The following MYO5A variants were observed in gnomAD, a reference collection of about 807,000 sequenced individuals.
MYO5A encodes unconventional myosin-Va.
In MYO5A, 98 loss-of-function variants were observed where a neutral mutation model predicts 249.7. That is an observed-to-expected ratio of 0.39 (90% CI 0.33 to 0.46). The LOEUF is 0.46. Among genes scored for constraint, MYO5A ranks in the 20% least tolerant of loss-of-function variants. The probability of loss-of-function intolerance (pLI) is 0.98; values close to 1 mark genes in which losing one functional copy is unlikely to be tolerated. For missense variants in MYO5A, 1,696 were observed against 2,308.8 expected (o/e 0.73, Z 5.44); for synonymous variants, 778 against 810.6 (o/e 0.96, Z 0.68).
chr15:52,368,444 A>C (rs947889982), intron 22 of MYO5A, among the ~76,000 whole-genome samples: 1 of 152,144 alleles, frequency 6.6e-6, no homozygotes, highest in African/African-American at 2.4e-5. Flanking sequence ...CTTTTTATAT[A>C]AAAACTCCCC....
At chr15:52,321,609 C>T (rs552378564) in intron 37 of MYO5A, 100 bp from the exon 38 acceptor site, 5 of 1,351,836 alleles carry the variant, frequency 3.7e-6, no homozygotes, top group South Asian at 3.5e-5. Context: ...CTTTTCTGCT[C>T]TGTCCAAGGA....
chr15:52,499,478 A>T (rs377081519), intron 1 of MYO5A, among the ~76,000 whole-genome samples: 32 of 152,306 alleles, frequency 2.1e-4, no homozygotes, highest in African/African-American at 7.7e-4. Flanking sequence ...ATATCCATTA[A>T]ATGAACGCCC....
Position 52,308,619 on chromosome 15 carries a change from A to G in MYO5A, c.*5077T>C, listed in dbSNP as rs989946784. 1.3e-5 allele frequency: 2 copies of G among 152,412 alleles called. No homozygotes were observed. The highest frequency in any genetic ancestry group is 4.8e-5 in the African/African-American group (2 of 41,428). The allele number at this position is 152,412 out of a possible 1,614,324, so 9.4% of individuals were successfully genotyped here. The stretch of plus-strand genomic sequence containing the variant: ...AAGCTGGCCTCTCACTGGCTCTGAG[A>G]CTGTTGCTGCCCCACAGTTCTAATT... On this transcript the variant is annotated 3_prime_UTR_variant, in exon 42 of 42. Transcript: ENST00000399233.
At chr15:52,513,155 G>A (rs750692855) in intron 1 of MYO5A, among the ~76,000 whole-genome samples, 4 of 151,756 alleles carry the variant, frequency 2.6e-5, no homozygotes, top group Non-Finnish European at 5.9e-5. Context: ...AGCTGGCCGG[G>A]TGCGGTGGCT....
upstream of MYO5A, chr15:52,528,928 GGCGGGGAGGGCCGC>G: frequency 2.4e-6 from 2 of 840,214 alleles, no homozygotes; most frequent in Non-Finnish European, 3.0e-6. Flanking sequence ...GGCAGGGCCG[GGCGGGGAGGGCCGC>G]GCGGGGCGGG....
chr15:52,515,569 T>C (rs2077480078), intron 1 of MYO5A, among the ~76,000 whole-genome samples: 1 of 152,228 alleles, frequency 6.6e-6, no homozygotes, highest in Non-Finnish European at 1.5e-5. Context: ...ATAACAACCC[T>C]ATGAAGTAAG....
chr15:52,327,906 C>T lies in MYO5A; in HGVS notation c.4656G>A (p.Gln1552=). The change falls in exon 36 of 42, where the codon CAG becomes CAA. Residue 1552 remains glutamine, a synonymous_variant. Transcript: ENST00000399233. ...TTGATGTTAGCAACGACCTTACTTT[C>T]TGATCATCATTCAGGTAGTCAGCAT... is the stretch of plus-strand genomic sequence containing the variant. ...VRHADYLNDD[Q]KVRSLLTSTI... 1.2e-6 allele frequency: 2 copies of T among 1,613,924 alleles called. No homozygotes were observed. Among genetic ancestry groups the T allele is most frequent in the Non-Finnish European group, 1.7e-6 (2 of 1,179,826 alleles).
At chr15:52,473,630 A>T (rs1221683514) in intron 1 of MYO5A, among the ~76,000 whole-genome samples, 1 of 152,212 alleles carries the variant, frequency 6.6e-6, no homozygotes, top group Non-Finnish European at 1.5e-5. Flanking sequence ...CAGTTTTCCC[A>T]GCACCATTAA....
intron 29 of MYO5A, among the ~76,000 whole-genome samples, chr15:52,347,475 T>C (rs574213311): frequency 1.6e-3 from 249 of 152,354 alleles, no homozygotes; most frequent in African/African-American, 5.8e-3. Flanking sequence ...AAATAGTATA[T>C]GTCTGATTCT....
intron 31 of MYO5A, among the ~76,000 whole-genome samples, chr15:52,340,835 C>G (rs542622094): frequency 2.6e-5 from 4 of 152,108 alleles, no homozygotes; most frequent in Admixed American, 1.3e-4. Context: ...TTTGTCCCAG[C>G]TACTCAGGAG....
In MYO5A at chr15:52,370,277, A is replaced by G; in HGVS notation, c.2958T>C (p.Leu986=). 2 of 1,614,108 alleles carry G rather than the reference A, an allele frequency of 1.2e-6. No homozygotes were observed. Among genetic ancestry groups the G allele is most frequent in the Non-Finnish European group, 1.7e-6 (2 of 1,179,994 alleles). The change falls in exon 22 of 42, where the codon CTT becomes CTC. Residue 986 remains leucine (L), a synonymous_variant. Transcript: ENST00000399233. ...GCTTGGCAATTTCTTCCTGCAGACTAAGGACCCGCCCAGTGGCAACTTTCG... is the reference window on the plus strand; with the variant it reads ...GCTTGGCAATTTCTTCCTGCAGACTGAGGACCCGCCCAGTGGCAACTTTCG... ...EEAKVATGRV[L]SLQEEIAKLR...
At chr15:52,363,156 T>C (rs1472342501) in intron 24 of MYO5A, among the ~76,000 whole-genome samples, 1 of 152,200 alleles carries the variant, frequency 6.6e-6, no homozygotes, top group African/African-American at 2.4e-5. Context: ...GTTGGCATTG[T>C]CATCTAATAA....
chr15:52,396,486 A>G, intron 10 of MYO5A, 89 bp from the exon 11 acceptor site: 1 of 745,542 alleles, frequency 1.3e-6, no homozygotes, highest in Non-Finnish European at 2.3e-6. Flanking sequence ...GGAAGAAAGA[A>G]GTGGGACATT....
At position 52,500,717 on chromosome 15, in the gene MYO5A, C is replaced by A. The variant is rs150067919; in HGVS notation, c.27+28063G>T. 3.5e-4 allele frequency among the ~76,000 whole-genome samples: 53 copies of A among 152,156 alleles called. No individual in the cohort carries two copies. The East Asian group carries it at 9.9e-3, about 28-fold the overall frequency. The stretch of plus-strand genomic sequence containing the variant: ...TGTTTGTCGTTGAGTTGTAGAAATT[C>A]TTTATGGATTTTCTTTTATTTGTAG... On this transcript the variant is annotated intron_variant, in intron 1 of 41. Transcript: ENST00000399233.
chr15:52,508,180 G>C (rs567516039), intron 1 of MYO5A, among the ~76,000 whole-genome samples: 102 of 152,198 alleles, frequency 6.7e-4, no homozygotes, highest in African/African-American at 2.1e-3. Flanking sequence ...AATTTGTAAA[G>C]TTTAACTCTT....
At position 52,313,755 on chromosome 15, in the gene MYO5A, C is replaced by A. The variant is rs745374294; in HGVS notation, c.5584G>T (p.Ala1862Ser). The A allele has an allele frequency of 2.5e-6, 4 of 1,613,826 alleles. No individual in the cohort carries two copies. Among genetic ancestry groups the A allele is most frequent in the Non-Finnish European group, 3.4e-6 (4 of 1,180,006 alleles). ...VTFPFNPSSL[A>S]LETIQIPASL... ...GCTGGAATCTGGATGGTTTCTAGTGCGAGGGAAGATGGGTTGAAAGGAAAG... is the reference window on the plus strand; with the variant it reads ...GCTGGAATCTGGATGGTTTCTAGTGAGAGGGAAGATGGGTTGAAAGGAAAG... The change falls in exon 42 of 42, where the codon GCA becomes TCA. Residue 1862 changes from alanine (A) to serine (S), a missense_variant. Around this residue, in one of 5 missense-constraint regions of MYO5A, gnomAD observed 625 missense variants for 908.1 expected, o/e 0.69. Transcript: ENST00000399233.
At chr15:52,366,850 C>T (rs992941441) in intron 23 of MYO5A, among the ~76,000 whole-genome samples, 181 bp downstream of exon 23, 2 of 152,148 alleles carry the variant, frequency 1.3e-5, no homozygotes, top group Admixed American at 6.5e-5. Flanking sequence ...TATCAAGCAA[C>T]GAATTCAACC....
At position 52,307,569 on chromosome 15, in the gene MYO5A, C is replaced by A. The variant is rs755311869; in HGVS notation, c.*6127G>T. 7 of 152,094 alleles carry A rather than the reference C, an allele frequency of 4.6e-5. No homozygotes were observed. The highest frequency in any genetic ancestry group is 7.4e-5 in the Non-Finnish European group (5 of 67,964). The allele number at this position is 152,094 out of a possible 1,614,324, so 9.4% of individuals were successfully genotyped here. A position where few individuals can be genotyped will look rare whatever the true frequency, so the allele number is the denominator to read the frequency against. ...TCTAGAGTTAGTTGATAATGCCTTT[C>A]ATGTCTCAGTATTTCTGCTTCCTTT... is the stretch of plus-strand genomic sequence containing the variant. On this transcript the variant is annotated 3_prime_UTR_variant, in exon 42 of 42. Transcript: ENST00000399233.
intron 4 of MYO5A, among the ~76,000 whole-genome samples, chr15:52,422,953 T>C (rs2075311750): frequency 1.3e-5 from 2 of 152,134 alleles, no homozygotes; most frequent in Admixed American, 6.5e-5. Context: ...AGCACAATCG[T>C]AGATCACTGT....
Sources: allele counts gnomAD v4.1 joint callset (sites outside exome capture counted in the v4.1 genomes callset), GRCh38; gene constraint gnomAD v4.1.1; regional missense constraint gnomAD v4.1.1; transcripts MANE v1.5; gene names NCBI Gene and HGNC (gene_info 2026-07-23, HGNC 2026-07-21).